The following TRHDE variants were observed in gnomAD, a reference collection of about 807,000 sequenced individuals.
TRHDE encodes the protein thyrotropin releasing hormone degrading enzyme, also known as thyrotropin-releasing hormone-degrading ectoenzyme.
Under a neutral mutation model 125.7 loss-of-function variants are expected in TRHDE, and 72 were observed. The observed-to-expected ratio is 0.57, with a 90% CI of 0.47 to 0.70. TRHDE has a LOEUF of 0.70. Among genes scored for constraint, TRHDE ranks in the 30% least tolerant of loss-of-function variants. The pLI is 0.00. For missense variants in TRHDE, 1,110 were observed against 1,327.1 expected (o/e 0.84, Z 2.54); for synonymous variants, 509 against 509.1 (o/e 1.00, Z 0.00).
chr12:72,618,716 G>A (rs926419458), intron 12 of TRHDE, among the ~76,000 whole-genome samples, 175 bp from the exon 13 acceptor site: 6 of 152,062 alleles, frequency 3.9e-5, no homozygotes, highest in Non-Finnish European at 8.8e-5. Flanking sequence ...CATATATTAA[G>A]GTGGCACTGG....
At chr12:72,247,701 T>C (rs1257981997) in intron 2 of TRHDE, among the ~76,000 whole-genome samples, 1 of 152,236 alleles carries the variant, frequency 6.6e-6, no homozygotes, top group Non-Finnish European at 1.5e-5. Context: ...TAAAATATAA[T>C]ACAATTATCA....
intron 6 of TRHDE, among the ~76,000 whole-genome samples, chr12:72,528,510 GT>G (rs1868384650): frequency 6.6e-6 from 1 of 151,980 alleles, no homozygotes; most frequent in African/African-American, 2.4e-5. Flanking sequence ...AACAAATAGT[GT>G]TTTCTGAGCT....
At chr12:72,279,168 A>G (rs374790579) in intron 1 of TRHDE, among the ~76,000 whole-genome samples, 2 of 152,228 alleles carry the variant, frequency 1.3e-5, no homozygotes. Context: ...TGAGCAAACA[A>G]TGCAGGACAT....
At chr12:72,443,979 C>A (rs1378247058) in intron 3 of TRHDE, among the ~76,000 whole-genome samples, 1 of 151,816 alleles carries the variant, frequency 6.6e-6, no homozygotes, top group Non-Finnish European at 1.5e-5. Context: ...TTGCCAAAGA[C>A]AGAGCCTGGA....
intron 5 of TRHDE, among the ~76,000 whole-genome samples, chr12:72,487,635 TAAA>T (rs954001092): frequency 2.0e-5 from 3 of 152,146 alleles, no homozygotes; most frequent in Admixed American, 2.0e-4. Flanking sequence ...AAGAAATACT[TAAA>T]GAAGTTCTTC....
intron 2 of TRHDE, among the ~76,000 whole-genome samples, chr12:72,204,918 A>C (rs1399749800): frequency 6.6e-6 from 1 of 152,170 alleles, no homozygotes; most frequent in Non-Finnish European, 1.5e-5. Flanking sequence ...GATTAAGTGG[A>C]TTTGCCATCT....
intron 2 of TRHDE, among the ~76,000 whole-genome samples, chr12:72,114,528 A>G (rs1463270488): frequency 6.6e-6 from 1 of 152,224 alleles, no homozygotes; most frequent in Non-Finnish European, 1.5e-5. Context: ...GAAGTAGATT[A>G]TCACAAAGGT....
At chr12:72,121,836 A>G (rs1875590390) in intron 2 of TRHDE, among the ~76,000 whole-genome samples, 1 of 150,558 alleles carries the variant, frequency 6.6e-6, no homozygotes, top group South Asian at 2.1e-4. Context: ...TCTATGAGAG[A>G]AATTTAACTG....
chr12:72,641,280 T>C (rs1310962194), intron 15 of TRHDE, among the ~76,000 whole-genome samples: 2 of 152,238 alleles, frequency 1.3e-5, no homozygotes, highest in Non-Finnish European at 2.9e-5. Context: ...CATTTTTATA[T>C]ATTGAATGTG....
intron 1 of TRHDE, among the ~76,000 whole-genome samples, chr12:72,101,869 G>A (rs989573048): frequency 2.6e-5 from 4 of 152,202 alleles, no homozygotes; most frequent in South Asian, 2.1e-4. Context: ...AATAGTAAAT[G>A]CATGTATAAT....
At chr12:72,293,748 G>T (rs992938568) in intron 2 of TRHDE, among the ~76,000 whole-genome samples, 3 of 152,130 alleles carry the variant, frequency 2.0e-5, no homozygotes, top group Admixed American at 6.5e-5. Context: ...TTTTCTGGCT[G>T]GGAACCTGTG....
At chr12:72,321,771 A>T (rs553679287) in intron 2 of TRHDE, among the ~76,000 whole-genome samples, 8 of 152,288 alleles carry the variant, frequency 5.3e-5, no homozygotes, top group African/African-American at 1.9e-4. Flanking sequence ...CAAAAGTAGC[A>T]GTATTTGTAA....
intron 1 of TRHDE, among the ~76,000 whole-genome samples, chr12:72,099,988 T>C (rs980168515): frequency 2.0e-4 from 30 of 152,310 alleles, no homozygotes; most frequent in African/African-American, 6.7e-4. Flanking sequence ...AAGATATGAA[T>C]GAGCTTATAT....
intron 2 of TRHDE, among the ~76,000 whole-genome samples, chr12:72,319,824 G>C (rs1312915356): frequency 6.6e-6 from 1 of 151,724 alleles, no homozygotes; most frequent in African/African-American, 2.4e-5. Context: ...AGGACTCTTG[G>C]GAAAAAAATG....
At chr12:72,308,791 T>C (rs1374921444) in intron 2 of TRHDE, among the ~76,000 whole-genome samples, 1 of 152,236 alleles carries the variant, frequency 6.6e-6, no homozygotes, top group African/African-American at 2.4e-5. Context: ...GATCATGGTA[T>C]GATATGAAGT....
chr12:72,295,478 G>A (rs1880259836), intron 2 of TRHDE, among the ~76,000 whole-genome samples: 1 of 152,116 alleles, frequency 6.6e-6, no homozygotes, highest in Non-Finnish European at 1.5e-5. Flanking sequence ...TTAGAGAAGG[G>A]ATGCTGGGCA....
intron 3 of TRHDE, among the ~76,000 whole-genome samples, chr12:72,395,645 TC>T (rs1187844025): frequency 6.6e-6 from 1 of 152,122 alleles, no homozygotes; most frequent in Non-Finnish European, 1.5e-5. Flanking sequence ...CATCTTCAAC[TC>T]TTTTGTGCCT....
chr12:72,435,937 T>C (rs1874724427), intron 3 of TRHDE, among the ~76,000 whole-genome samples: 1 of 151,896 alleles, frequency 6.6e-6, no homozygotes, highest in African/African-American at 2.4e-5. Flanking sequence ...ATGATAAAGG[T>C]GAAAATTTAA....
chr12:72,341,062 A>G (rs761877249), intron 2 of TRHDE, among the ~76,000 whole-genome samples: 12 of 151,654 alleles, frequency 7.9e-5, no homozygotes, highest in Non-Finnish European at 1.0e-4. Context: ...GTGTTCCTAA[A>G]GGACCATCCA....
Sources: allele counts gnomAD v4.1 joint callset (sites outside exome capture counted in the v4.1 genomes callset), GRCh38; gene constraint gnomAD v4.1.1; transcripts MANE v1.5; gene names NCBI Gene and HGNC (gene_info 2026-07-23, HGNC 2026-07-21).